ITSN1: variants seen among roughly 807,000 people sequenced by gnomAD.
The protein encoded by ITSN1 is intersectin-1.
A neutral mutation model predicts 239.8 loss-of-function variants in ITSN1; 58 were observed. That is an observed-to-expected ratio of 0.24 (90% CI 0.20 to 0.30). ITSN1 has a LOEUF of 0.30. Ranked by LOEUF, ITSN1 falls within the 10% of genes least tolerant of loss-of-function variation. ITSN1 has a pLI of 1.00. For synonymous variants in ITSN1, 780 were observed against 770.8 expected (o/e 1.01, Z -0.20); for missense variants, 1,558 against 2,103.3 (o/e 0.74, Z 5.07).
chr21:33,664,814 G>A (rs1173588742), intron 1 of ITSN1, among the ~76,000 whole-genome samples: 1 of 152,190 alleles, frequency 6.6e-6, no homozygotes. Flanking sequence ...GTTATTATAT[G>A]TAGTTTTGTT....
At chr21:33,799,756 G>C (rs1460286732) in intron 18 of ITSN1, 52 bp from the exon 19 acceptor site, 3 of 1,596,998 alleles carry the variant, frequency 1.9e-6, no homozygotes, top group Non-Finnish European at 2.6e-6. Context: ...TCATACATTT[G>C]TGTTCTCTGT....
chr21:33,715,898 C>T (rs566441946), intron 1 of ITSN1, among the ~76,000 whole-genome samples: 5 of 152,006 alleles, frequency 3.3e-5, no homozygotes, highest in South Asian at 2.1e-4. Flanking sequence ...AGCCTGGGGA[C>T]GGAGTGAGAC....
intron 33 of ITSN1, among the ~76,000 whole-genome samples, chr21:33,873,984 A>T (rs546639744): frequency 5.6e-4 from 85 of 151,174 alleles, no homozygotes; most frequent in African/African-American, 2.0e-3. Context: ...AGCATGGTGA[A>T]ACCCCCATCT....
rs144368246 is a variant in ITSN1 at position 33,693,086 on chromosome 21, G to A, written c.-32-25711G>A. 9.4e-4 allele frequency among the ~76,000 whole-genome samples: 143 copies of A among 152,128 alleles called. 1 individual carries two copies. Among genetic ancestry groups the A allele is most frequent in the Non-Finnish European group, 1.7e-3 (117 of 67,990 alleles). The stretch of plus-strand genomic sequence containing the variant: ...GCTGGGATTATAGGCATGAGCCACC[G>A]CGCCCAGCCCAGTAAAATCTATTTC... On this transcript the variant is annotated intron_variant, in intron 1 of 39. Transcript: ENST00000381318.
In ITSN1 at chr21:33,646,034, A is replaced by C. The variant is rs73197966; in HGVS notation, c.-33+3321A>C. 6.1e-3 allele frequency among the ~76,000 whole-genome samples: 920 copies of C among 151,980 alleles called. 10 individuals are homozygous for C. Among genetic ancestry groups the C allele is most frequent in the Non-Finnish European group, 7.9e-3 (536 of 68,040 alleles). ...AACTCAATTAAACATTTGTTGAGTG[A>C]ATACGTGAATTACATTGCAGCGAGG... is the stretch of plus-strand genomic sequence containing the variant. On this transcript the variant is annotated intron_variant, in intron 1 of 39. Coordinates refer to ENST00000381318, the MANE Select transcript of ITSN1 (RefSeq NM_003024.3).
intron 39 of ITSN1, among the ~76,000 whole-genome samples, chr21:33,887,816 C>T (rs1411798164): frequency 2.0e-5 from 3 of 152,060 alleles, no homozygotes; most frequent in Non-Finnish European, 4.4e-5. Context: ...CTCTATTGCC[C>T]AGGCTGGTGT....
At chr21:33,723,234 C>A (rs1239503364) in intron 4 of ITSN1, among the ~76,000 whole-genome samples, 1 of 152,166 alleles carries the variant, frequency 6.6e-6, no homozygotes, top group East Asian at 1.9e-4. Context: ...CTGTTGTCCT[C>A]TAAGATGTCT....
chr21:33,810,196 G>C (rs2072801818), intron 20 of ITSN1, among the ~76,000 whole-genome samples: 1 of 152,144 alleles, frequency 6.6e-6, no homozygotes, highest in Non-Finnish European at 1.5e-5. Flanking sequence ...GAATCGTTTT[G>C]GCCATTTTGG....
chr21:33,765,793 A>G, intron 9 of ITSN1, 82 bp from the exon 10 acceptor site: 1 of 1,478,686 alleles, frequency 6.8e-7, no homozygotes, highest in Non-Finnish European at 9.4e-7. Flanking sequence ...CAATAAGAAA[A>G]CATAACTTTT....
intron 1 of ITSN1, among the ~76,000 whole-genome samples, chr21:33,690,929 T>C (rs1426334675): frequency 6.7e-6 from 1 of 149,010 alleles, no homozygotes; most frequent in Non-Finnish European, 1.5e-5. Flanking sequence ...GCAAGTCCTG[T>C]TTCCACTCTC....
At chr21:33,818,009 T>G in intron 22 of ITSN1, 1 of 491,796 alleles carries the variant, frequency 2.0e-6, no homozygotes. Flanking sequence ...CCTCCTGGCT[T>G]TTTGAAATAG....
intron 1 of ITSN1, among the ~76,000 whole-genome samples, chr21:33,658,753 A>T (rs951987678): frequency 6.6e-6 from 1 of 152,166 alleles, no homozygotes; most frequent in African/African-American, 2.4e-5. Flanking sequence ...TGATACTATT[A>T]TCTATCCTTT....
At chr21:33,824,579 C>G (rs1474304566) in intron 25 of ITSN1, among the ~76,000 whole-genome samples, 43 of 152,098 alleles carry the variant, frequency 2.8e-4, no homozygotes. Context: ...GGACAAAGTT[C>G]TCTCTCTCTT....
chr21:33,836,709 C>T, intron 29 of ITSN1, 77 bp downstream of exon 29: 1 of 1,234,516 alleles, frequency 8.1e-7, no homozygotes, highest in Non-Finnish European at 1.2e-6. Flanking sequence ...TCTGATTCTG[C>T]TGAGCTTTGT....
At chr21:33,686,767 G>C (rs945408984) in intron 1 of ITSN1, among the ~76,000 whole-genome samples, 2 of 152,146 alleles carry the variant, frequency 1.3e-5, no homozygotes, top group Non-Finnish European at 2.9e-5. Flanking sequence ...GTCAAAATGA[G>C]GTCCTGCATG....
In ITSN1 at chr21:33,889,939, A is replaced by G. The variant is rs936507722; in HGVS notation, c.*1639A>G. On this transcript the variant is annotated 3_prime_UTR_variant, in exon 40 of 40. Coordinates refer to ENST00000381318, the MANE Select transcript of ITSN1 (RefSeq NM_003024.3). ...ACTTTTAAGAAATACTTTATTATTT[A>G]TTTATTGAAGATAGTGTAGAATTTT... 7 of 152,218 alleles carry G rather than the reference A, an allele frequency of 4.6e-5. No individual in the cohort carries two copies. The highest frequency in any genetic ancestry group is 1.7e-4 in the African/African-American group (7 of 41,470). 9.4% of individuals were successfully genotyped at this position (152,218 alleles called of 1,614,324 possible).
chr21:33,700,644 T>C (rs75812502), intron 1 of ITSN1, among the ~76,000 whole-genome samples: 5,770 of 152,212 alleles, frequency 0.038, 366 homozygotes, highest in African/African-American at 0.13. Context: ...CCAGGCATGC[T>C]TTGGTTGTGA....
Position 33,890,212 on chromosome 21 carries a change from T to C in ITSN1, c.*1912T>C, listed in dbSNP as rs1986265856. Reference sequence around the variant, plus strand: ...TCCTATTTCTATAACCAACACCGTTTGTTTAGTGTATTTATGAAAGATATG... The same window carrying C: ...TCCTATTTCTATAACCAACACCGTTCGTTTAGTGTATTTATGAAAGATATG... On this transcript the variant is annotated 3_prime_UTR_variant, in exon 40 of 40. Transcript: ENST00000381318. 6.6e-6 allele frequency: 1 copy of C among 152,222 alleles called. No homozygotes were observed. Among genetic ancestry groups the C allele is most frequent in the Non-Finnish European group, 1.5e-5 (1 of 68,038 alleles). The allele number at this position is 152,222 out of a possible 1,614,324, so 9.4% of individuals were successfully genotyped here.
chr21:33,767,014 A>G (rs2068770009), intron 10 of ITSN1, among the ~76,000 whole-genome samples: 1 of 152,018 alleles, frequency 6.6e-6, no homozygotes. Context: ...CTAAAAATAC[A>G]AAAATTAGCC....
Sources: allele counts gnomAD v4.1 joint callset (sites outside exome capture counted in the v4.1 genomes callset), GRCh38; gene constraint gnomAD v4.1.1; transcripts MANE v1.5; gene names NCBI Gene and HGNC (gene_info 2026-07-23, HGNC 2026-07-21).